Variants in FGF1 observed in about 807,000 individuals in gnomAD.
FGF1 encodes beta-endothelial cell growth factor.
Under a neutral mutation model 13.4 loss-of-function variants are expected in FGF1, and 9 were observed. The observed-to-expected ratio is 0.67, with a 90% CI of 0.40 to 1.17. FGF1 has a LOEUF of 1.17. Ranked by LOEUF, FGF1 falls within the 50% of genes most tolerant of loss-of-function variation. The probability of loss-of-function intolerance (pLI) is 0.01; values close to 1 mark genes in which losing one functional copy is unlikely to be tolerated. For missense variants in FGF1, 156 were observed against 192.7 expected, an observed-to-expected ratio of 0.81 and a Z score of 1.13; for synonymous variants, 93 against 79.0, an observed-to-expected ratio of 1.18 and a Z score of -0.94.
intron 2 of FGF1, among the ~76,000 whole-genome samples, chr5:142,612,957 TC>T (rs1759400009): frequency 6.6e-6 from 1 of 151,580 alleles, no homozygotes; most frequent in Admixed American, 6.5e-5. Context: ...AACCATCATG[TC>T]AAAGTGAGTG....
intron 1 of FGF1, among the ~76,000 whole-genome samples, chr5:142,625,264 C>T (rs1762262634): frequency 1.3e-5 from 2 of 151,922 alleles, no homozygotes; most frequent in South Asian, 4.1e-4. Flanking sequence ...ACAGCTCAGT[C>T]CCAGCCCCAG....
chr5:142,683,852 A>AAAT (rs1774185696), intron 1 of FGF1, among the ~76,000 whole-genome samples: 1 of 136,806 alleles, frequency 7.3e-6, no homozygotes, highest in Non-Finnish European at 1.6e-5. Flanking sequence ...AAGGAAAAGA[A>AAAT]AATTAATCCT....
chr5:142,642,669 C>G (rs984512902), intron 1 of FGF1, among the ~76,000 whole-genome samples: 1 of 152,222 alleles, frequency 6.6e-6, no homozygotes, highest in African/African-American at 2.4e-5. Flanking sequence ...GCCACGTGGG[C>G]TCCCAGAGGA....
At chr5:142,599,042 A>G (rs250093) in intron 3 of FGF1, among the ~76,000 whole-genome samples, 150,785 of 152,324 alleles carry the variant, frequency 0.99, 74,630 homozygotes, top group East Asian at 1. Flanking sequence ...TGATGGGCGC[A>G]TTCTGTGTGT....
At chr5:142,634,879 T>C (rs770178352) in intron 1 of FGF1, among the ~76,000 whole-genome samples, 5 of 152,094 alleles carry the variant, frequency 3.3e-5, no homozygotes, top group Non-Finnish European at 7.4e-5. Flanking sequence ...TTTTTCTTTT[T>C]TTTTTTTCCA....
intron 1 of FGF1, among the ~76,000 whole-genome samples, chr5:142,617,938 T>A (rs1012659266): frequency 1.3e-5 from 2 of 152,178 alleles, no homozygotes; most frequent in Admixed American, 6.5e-5. Flanking sequence ...CGTTAGCAGG[T>A]CCTTGGAGAT....
At chr5:142,661,797 A>G (rs1176316653) in intron 1 of FGF1, among the ~76,000 whole-genome samples, 3 of 152,116 alleles carry the variant, frequency 2.0e-5, no homozygotes, top group African/African-American at 4.8e-5. Flanking sequence ...AGGTCAGGAG[A>G]TTGAGACCAT....
chr5:142,688,156 A>G (rs995468084), upstream of FGF1, among the ~76,000 whole-genome samples: 4 of 152,236 alleles, frequency 2.6e-5, no homozygotes, highest in African/African-American at 9.6e-5. Flanking sequence ...GACATATGCT[A>G]ATTTATCTAC....
At chr5:142,629,893 A>ATTTTTTTTTTTTTTTTTT (rs1229121020) in intron 1 of FGF1, among the ~76,000 whole-genome samples, 1 of 120,088 alleles carries the variant, frequency 8.3e-6, no homozygotes. Flanking sequence ...ATATATATAT[A>ATTTTTTTTTTTTTTTTTT]TATTTTTTTT....
At chr5:142,630,601 G>A (rs554603517) in intron 1 of FGF1, among the ~76,000 whole-genome samples, 1 of 152,112 alleles carries the variant, frequency 6.6e-6, no homozygotes, top group Non-Finnish European at 1.5e-5. Context: ...CCTCACCTAC[G>A]GCTCCTCCCT....
intron 2 of FGF1, chr5:142,601,267 T>G: frequency 2.7e-6 from 1 of 366,670 alleles, no homozygotes; most frequent in Non-Finnish European, 5.5e-6. Context: ...GCCTTTTAAT[T>G]GTCTGGGCCT....
chr5:142,667,541 G>A (rs1231661145), intron 1 of FGF1, among the ~76,000 whole-genome samples: 6 of 148,310 alleles, frequency 4.0e-5, no homozygotes, highest in African/African-American at 1.0e-4. Flanking sequence ...AGCTGAGATC[G>A]GGCCACTGCA....
chr5:142,694,129 A>G lies in FGF1; in HGVS notation c.-35+3493T>C, dbSNP rs7706280. 5.3e-3 allele frequency among the ~76,000 whole-genome samples: 778 copies of G among 147,628 alleles called. 6 individuals carry two copies. Among genetic ancestry groups the G allele is most frequent in the African/African-American group, 0.019 (745 of 40,068 alleles). On this transcript the variant is annotated intron_variant, in intron 2 of 4. Transcript: ENST00000407758. ...TATCTATCTATCTATCTATCTATCT[A>G]TCTATCTATGTCTATCTGCCTCTCT...
At chr5:142,644,822 C>A (rs991941752) in intron 1 of FGF1, among the ~76,000 whole-genome samples, 6 of 152,160 alleles carry the variant, frequency 3.9e-5, no homozygotes, top group Admixed American at 2.0e-4. Flanking sequence ...ACATAGTAGA[C>A]CCTCAGCAAA....
intron 2 of FGF1, among the ~76,000 whole-genome samples, chr5:142,606,218 C>CTCTCTGTGTG (rs151219206): frequency 5.2e-4 from 74 of 143,150 alleles, no homozygotes; most frequent in African/African-American, 1.5e-3. Flanking sequence ...CTTTCTCTCT[C>CTCTCTGTGTG]TGTGTGTGTG....
chr5:142,662,478 AG>A, intron 1 of FGF1, among the ~76,000 whole-genome samples: 2 of 152,332 alleles, frequency 1.3e-5, no homozygotes, highest in Middle Eastern at 6.8e-3. Flanking sequence ...AAACTTCAAG[AG>A]GGGAAGGATT....
At chr5:142,681,627 C>G (rs1225834492) in intron 1 of FGF1, among the ~76,000 whole-genome samples, 1 of 152,218 alleles carries the variant, frequency 6.6e-6, no homozygotes, top group Non-Finnish European at 1.5e-5. Flanking sequence ...TGCTGAATTC[C>G]TATCACCAAG....
intron 1 of FGF1, among the ~76,000 whole-genome samples, chr5:142,618,940 T>TG (rs1760854478): frequency 7.2e-6 from 1 of 138,124 alleles, no homozygotes; most frequent in Non-Finnish European, 1.5e-5. Flanking sequence ...TTTTTTTTTT[T>TG]TTTTTTTTTT....
intron 1 of FGF1, among the ~76,000 whole-genome samples, chr5:142,647,979 C>A (rs557818331): frequency 6.6e-6 from 1 of 151,956 alleles, no homozygotes; most frequent in African/African-American, 2.4e-5. Context: ...CAGCTACTTG[C>A]GAGGCTGAAG....
Sources: gnomAD v4.1 joint callset for allele counts (sites outside exome capture counted in the v4.1 genomes callset) on GRCh38, gnomAD v4.1.1 for gene constraint, MANE v1.5 for transcripts, NCBI Gene and HGNC (gene_info 2026-07-23, HGNC 2026-07-21) for gene names.